Variants in PTPN11 observed in about 807,000 individuals in gnomAD.
The protein encoded by PTPN11 is tyrosine-protein phosphatase non-receptor type 11.
A neutral mutation model predicts 78.8 loss-of-function variants in PTPN11; 6 were observed. The observed-to-expected ratio is 0.08, with a 90% CI of 0.04 to 0.15. The LOEUF is 0.15. Ranked by LOEUF, PTPN11 falls within the 10% of genes least tolerant of loss-of-function variation. PTPN11 has a pLI of 1.00. For missense variants in PTPN11, 386 were observed against 744.8 expected (o/e 0.52, Z 5.61); for synonymous variants, 221 against 263.5 (o/e 0.84, Z 1.56).
intron 13 of PTPN11, among the ~76,000 whole-genome samples, chr12:112,492,921 A>G (rs999976862): frequency 6.6e-6 from 1 of 152,178 alleles, no homozygotes. Flanking sequence ...TGTTTCCATC[A>G]TTGCCTTTCC....
intron 6 of PTPN11, 128 bp from the exon 7 acceptor site, chr12:112,472,816 G>C (rs1220729261): frequency 2.4e-6 from 2 of 838,532 alleles, no homozygotes; most frequent in African/African-American, 3.4e-5. Flanking sequence ...GAACATTCTT[G>C]TAGCTATCGC....
intron 1 of PTPN11, among the ~76,000 whole-genome samples, chr12:112,434,018 C>T (rs906331224): frequency 6.6e-6 from 1 of 152,194 alleles, no homozygotes; most frequent in East Asian, 1.9e-4. Context: ...AGATGTGGGC[C>T]AGGTGTGGTG....
At chr12:112,493,533 T>C (rs2038779591) in intron 13 of PTPN11, among the ~76,000 whole-genome samples, 1 of 151,616 alleles carries the variant, frequency 6.6e-6, no homozygotes, top group Non-Finnish European at 1.5e-5. Context: ...AGACTACAGG[T>C]ACCCGCCACC....
chr12:112,424,468 G>A (rs1479351449), intron 1 of PTPN11, among the ~76,000 whole-genome samples: 1 of 152,186 alleles, frequency 6.6e-6, no homozygotes, highest in African/African-American at 2.4e-5. Flanking sequence ...TCTGGCTGCT[G>A]TGAAGGAAGG....
Position 112,482,045 on chromosome 12 carries a change from T to A in PTPN11, c.1093-29T>A. ...GCTTTTATTTCAGAGTTCACAGAAT[T>A]AACTTTCTTTTTTTCTGATCTCTTC... On this transcript the variant is annotated intron_variant, in intron 9 of 15. Coordinates refer to ENST00000351677, the MANE Select transcript of PTPN11 (RefSeq NM_002834.5). This position sits in a 1 kb window ranked among gnomAD's most constrained non-coding sequence, Gnocchi z 4.4. 1 of 1,537,584 alleles carries A rather than the reference T, an allele frequency of 6.5e-7. No individual in the cohort carries two copies. The highest frequency in any genetic ancestry group is 9.0e-7 in the Non-Finnish European group (1 of 1,111,268).
chr12:112,490,601 C>T (rs79392643), intron 13 of PTPN11, among the ~76,000 whole-genome samples: 2,244 of 152,192 alleles, frequency 0.015, 58 homozygotes, highest in African/African-American at 0.052. Context: ...TGGCTCCATG[C>T]CCGGCTAATT....
rs1267089873 is a variant in PTPN11 at position 112,508,356 on chromosome 12, A to G, written c.*2564A>G. The G allele has an allele frequency of 1.3e-5, 2 of 152,284 alleles. No homozygotes were observed. The highest frequency in any genetic ancestry group is 2.9e-5 in the Non-Finnish European group (2 of 68,046). 9.4% of individuals were successfully genotyped at this position (152,284 alleles called of 1,614,324 possible). ...AGGTTCTCAGACGAGTTTACTTTAC[A>G]TGAGATGGAATCAGGCAGAGAGGCT... On this transcript the variant is annotated 3_prime_UTR_variant, in exon 16 of 16. Transcript: ENST00000351677.
intron 9 of PTPN11, among the ~76,000 whole-genome samples, chr12:112,478,749 G>A (rs1243444140): frequency 6.6e-6 from 1 of 151,544 alleles, no homozygotes; most frequent in Non-Finnish European, 1.5e-5. Flanking sequence ...TTTTTGTTTT[G>A]TAGAGACAGG....
At position 112,433,443 on chromosome 12, in the gene PTPN11, G is replaced by A. The variant is rs375378956; in HGVS notation, c.15-12833G>A. 1.2e-4 allele frequency among the ~76,000 whole-genome samples: 19 copies of A among 152,276 alleles called. No individual in the cohort carries two copies. The South Asian group carries it at 2.5e-3, about 20-fold the overall frequency. The stretch of plus-strand genomic sequence containing the variant: ...TCTCAGAACATATTCCTGTTGTTAA[G>A]CAATGCATGACCGTATCTTGACAAA... On this transcript the variant is annotated intron_variant, in intron 1 of 15. Transcript: ENST00000351677.
intron 1 of PTPN11, among the ~76,000 whole-genome samples, chr12:112,434,873 A>G (rs1278764012): frequency 6.6e-6 from 1 of 151,536 alleles, no homozygotes; most frequent in African/African-American, 2.4e-5. Context: ...TGCAACCTTC[A>G]CCTCCCAGGT....
chr12:112,442,898 ATATATGTATG>A (rs1335011691), intron 1 of PTPN11, among the ~76,000 whole-genome samples: 1 of 94,132 alleles, frequency 1.1e-5, no homozygotes, highest in African/African-American at 5.0e-5. Context: ...TACACTACAC[ATATATGTATG>A]TATATGTATG....
chr12:112,445,391 C>A (rs1223479825), intron 1 of PTPN11, among the ~76,000 whole-genome samples: 3 of 152,164 alleles, frequency 2.0e-5, no homozygotes, highest in Non-Finnish European at 4.4e-5. Context: ...CTCGGCCTCC[C>A]AAAGTGCTGG....
chr12:112,472,130 CT>C (rs1010818577), intron 6 of PTPN11, among the ~76,000 whole-genome samples: 1 of 151,582 alleles, frequency 6.6e-6, no homozygotes, highest in South Asian at 2.1e-4. Flanking sequence ...GGCCTTCTGC[CT>C]TTTTTTTAAA....
intron 10 of PTPN11, among the ~76,000 whole-genome samples, chr12:112,484,369 G>A (rs1025124341): frequency 2.6e-5 from 4 of 152,206 alleles, no homozygotes; most frequent in East Asian, 3.9e-4. Context: ...CAGAAAGTAC[G>A]TGGTTTGTCC....
At chr12:112,452,807 G>T (rs2038096845) in intron 3 of PTPN11, among the ~76,000 whole-genome samples, 1 of 152,192 alleles carries the variant, frequency 6.6e-6, no homozygotes. Flanking sequence ...GGGATTACAG[G>T]CATAAGCCAC....
chr12:112,458,758 G>A (rs2038202113), intron 6 of PTPN11, among the ~76,000 whole-genome samples: 1 of 152,214 alleles, frequency 6.6e-6, no homozygotes, highest in Admixed American at 6.5e-5. Flanking sequence ...ATAGGCTGGG[G>A]CGTAGTGGCT....
At chr12:112,455,073 G>T (rs1291721404) in intron 5 of PTPN11, among the ~76,000 whole-genome samples, 1 of 151,780 alleles carries the variant, frequency 6.6e-6, no homozygotes, top group Non-Finnish European at 1.5e-5. Flanking sequence ...GCCCGCCTTG[G>T]CCTCCCGAAG....
intron 13 of PTPN11, among the ~76,000 whole-genome samples, chr12:112,496,428 T>C (rs779258410): frequency 5.9e-5 from 9 of 152,202 alleles, no homozygotes; most frequent in Non-Finnish European, 8.8e-5. Flanking sequence ...GGTGTGCTCA[T>C]TGCTACTGGA....
intron 1 of PTPN11, among the ~76,000 whole-genome samples, chr12:112,428,470 A>AT (rs1275226568): frequency 2.8e-5 from 4 of 144,914 alleles, no homozygotes. Flanking sequence ...GGCCCTATAC[A>AT]TTAAGATTTT....
Sources: gnomAD v4.1 joint callset for allele counts (sites outside exome capture counted in the v4.1 genomes callset) on GRCh38, gnomAD v4.1.1 for gene constraint, Gnocchi (gnomAD v3.1) non-coding constraint, MANE v1.5 for transcripts, NCBI Gene and HGNC (gene_info 2026-07-23, HGNC 2026-07-21) for gene names.